The following GPHN variants were observed in gnomAD, a reference collection of about 807,000 sequenced individuals.
GPHN encodes gephyrin.
Under a neutral mutation model 95.5 loss-of-function variants are expected in GPHN, and 17 were observed. The ratio of observed to expected loss-of-function variants is 0.18; its 90% CI spans 0.12 to 0.27. GPHN has a LOEUF of 0.27. GPHN is among the 10% of genes least tolerant of loss of function. The probability of loss-of-function intolerance (pLI) is 1.00; values close to 1 mark genes in which losing one functional copy is unlikely to be tolerated. For missense variants in GPHN, 660 were observed against 978.1 expected (o/e 0.67, Z 4.34); for synonymous variants, 320 against 322.5 (o/e 0.99, Z 0.08).
intron 2 of GPHN, among the ~76,000 whole-genome samples, chr14:66,732,280 A>G (rs1201889548): frequency 1.3e-5 from 2 of 152,188 alleles, no homozygotes; most frequent in African/African-American, 4.8e-5. Flanking sequence ...AGCCACAGGT[A>G]CTCAATGCCA....
the GPHN span, chr14:67,364,619 A>C: frequency 1.4e-6 from 1 of 739,690 alleles, no homozygotes; most frequent in Non-Finnish European, 2.1e-6. Context: ...TTCTGGTACC[A>C]CTTAAGAAGT....
chr14:67,450,205 C>T, the GPHN span, among the ~76,000 whole-genome samples: 1 of 151,864 alleles, frequency 6.6e-6, no homozygotes, highest in South Asian at 2.1e-4. Context: ...CCATATGGAA[C>T]TGTAAGTCAT....
At chr14:67,417,960 G>A in the GPHN span, among the ~76,000 whole-genome samples, 1 of 152,106 alleles carries the variant, frequency 6.6e-6, no homozygotes, top group Admixed American at 6.5e-5. Context: ...TGCCCAGGCT[G>A]GATTTGAACT....
chr14:67,641,913 T>G, the GPHN span, among the ~76,000 whole-genome samples: 2 of 152,244 alleles, frequency 1.3e-5, no homozygotes, highest in Non-Finnish European at 2.9e-5. Flanking sequence ...ATTTCTACTC[T>G]ATCACTCCAG....
At chr14:67,335,154 A>T in the GPHN span, 1 of 152,372 alleles carries the variant, frequency 6.6e-6, no homozygotes, top group Admixed American at 6.5e-5. Context: ...GAAGTCTATC[A>T]ATCATTCTCC....
chr14:66,668,025 T>G (rs112273197), intron 1 of GPHN, among the ~76,000 whole-genome samples: 10 of 152,138 alleles, frequency 6.6e-5, no homozygotes, highest in African/African-American at 2.4e-4. Flanking sequence ...ACAAACATAT[T>G]TAGAAAAGCT....
chr14:67,392,977 C>T, the GPHN span: 1 of 871,046 alleles, frequency 1.1e-6, no homozygotes, highest in Non-Finnish European at 1.8e-6. Context: ...AGACTGAAGG[C>T]CACACCTGCT....
chr14:66,985,621 A>C (rs1374749995), intron 9 of GPHN: 26 of 1,124,766 alleles, frequency 2.3e-5, no homozygotes, highest in Non-Finnish European at 3.1e-5. Flanking sequence ...AATGTATAGA[A>C]AAATTTTTAA....
At chr14:67,575,405 A>G in the GPHN span, 1 of 1,605,942 alleles carries the variant, frequency 6.2e-7, no homozygotes, top group South Asian at 1.1e-5. Context: ...AAGCATGGCC[A>G]CTCCAAGGTG....
chr14:67,350,167 A>G, the GPHN span, among the ~76,000 whole-genome samples: 1 of 152,238 alleles, frequency 6.6e-6, no homozygotes, highest in Non-Finnish European at 1.5e-5. Flanking sequence ...CATGCCTTTT[A>G]AATAATCCAA....
At chr14:66,928,949 C>T (rs934366257) in intron 8 of GPHN, among the ~76,000 whole-genome samples, 5 of 151,356 alleles carry the variant, frequency 3.3e-5, no homozygotes, top group Non-Finnish European at 7.4e-5. Context: ...GAGAATGATT[C>T]GTGTGCTGAG....
At chr14:66,765,422 A>G (rs778088765) in intron 2 of GPHN, among the ~76,000 whole-genome samples, 29 of 152,226 alleles carry the variant, frequency 1.9e-4, no homozygotes, top group African/African-American at 6.8e-4. Flanking sequence ...TTAAATGCCC[A>G]TCAGTGGTAG....
chr14:66,685,758 C>A (rs1312506706), intron 2 of GPHN, among the ~76,000 whole-genome samples: 1 of 152,150 alleles, frequency 6.6e-6, no homozygotes, highest in Admixed American at 6.5e-5. Flanking sequence ...TTAATTAGAT[C>A]CCATTTGTCA....
the GPHN span, among the ~76,000 whole-genome samples, chr14:67,549,051 A>G: frequency 6.6e-6 from 1 of 152,232 alleles, no homozygotes; most frequent in Non-Finnish European, 1.5e-5. Context: ...CCAGAAAAAC[A>G]TATCCTAAAA....
the GPHN span, among the ~76,000 whole-genome samples, chr14:67,670,153 C>T: frequency 6.6e-6 from 1 of 152,174 alleles, no homozygotes; most frequent in African/African-American, 2.4e-5. Flanking sequence ...TTAACACAGT[C>T]CCCTGTACCC....
the GPHN span, chr14:67,581,951 T>A: frequency 9.8e-7 from 1 of 1,017,132 alleles, no homozygotes; most frequent in Non-Finnish European, 1.4e-6. Context: ...AATAGGCTCA[T>A]AAATAGTGGG....
chr14:66,837,645 AT>A (rs2061903359), intron 4 of GPHN, among the ~76,000 whole-genome samples: 2 of 148,250 alleles, frequency 1.3e-5, no homozygotes, highest in African/African-American at 4.9e-5. Context: ...AAATAAATAA[AT>A]AAATAAATAA....
At chr14:67,073,437 G>T (rs2076382615) in intron 11 of GPHN, among the ~76,000 whole-genome samples, 1 of 151,970 alleles carries the variant, frequency 6.6e-6, no homozygotes, top group East Asian at 1.9e-4. Flanking sequence ...GTGACCTCAA[G>T]GACATTTTAG....
chr14:66,570,184 C>T (rs2060626065), intron 1 of GPHN, among the ~76,000 whole-genome samples: 1 of 151,792 alleles, frequency 6.6e-6, no homozygotes, highest in South Asian at 2.1e-4. Context: ...TTTCTTTATC[C>T]ATTCACCCAT....
Sources: allele counts gnomAD v4.1 joint callset (sites outside exome capture counted in the v4.1 genomes callset), GRCh38; gene constraint gnomAD v4.1.1; transcripts MANE v1.5; gene names NCBI Gene and HGNC (gene_info 2026-07-23, HGNC 2026-07-21).